Variants in NDUFA9 observed in about 807,000 individuals in gnomAD.
The protein encoded by NDUFA9 is NADH:ubiquinone oxidoreductase subunit A9.
NDUFA9 carries 23 observed loss-of-function variants against 45.9 expected under a neutral mutation model. The observed-to-expected ratio is 0.50, with a 90% confidence interval of 0.36 to 0.71. The LOEUF is 0.71. Ranked by LOEUF, NDUFA9 falls within the 30% of genes least tolerant of loss-of-function variation. NDUFA9 has a pLI of 0.00. For missense variants in NDUFA9, 466 were observed against 488.2 expected (o/e 0.95, Z 0.43); for synonymous variants, 176 against 170.5 (o/e 1.03, Z -0.25).
In NDUFA9 at chr12:4,657,632, T is replaced by C. The variant is rs6489557; in HGVS notation, c.319-116T>C. ...AAATGGAGCTTGGATGAAATGGCAC[T>C]ATATTATGACTACAGCAGATGGCCC... is the stretch of plus-strand genomic sequence containing the variant. On this transcript the variant is annotated intron_variant, in intron 3 of 10. Transcript: ENST00000266544. The C allele has an allele frequency of 0.99, 700,445 of 710,450 alleles. 345,872 individuals are homozygous for C. The highest frequency in any genetic ancestry group is 1 in the East Asian group (39,121 of 39,124). The allele number at this position is 710,450 out of a possible 1,614,324, so 44.0% of individuals were successfully genotyped here. A position where few individuals can be genotyped will look rare whatever the true frequency, so the allele number is the denominator to read the frequency against.
chr12:4,660,668 G>T (rs1002224684), intron 5 of NDUFA9, among the ~76,000 whole-genome samples: 1 of 152,122 alleles, frequency 6.6e-6, no homozygotes, highest in Non-Finnish European at 1.5e-5. Flanking sequence ...ATGATAAGGC[G>T]GAAGGGAAAC....
rs1027339476 is a variant in NDUFA9, at chr12:4,685,411, C to T, written c.963+86C>T. 7.9e-6 allele frequency: 10 copies of T among 1,272,132 alleles called. No homozygotes were observed. In the Admixed American group the frequency reaches 9.5e-5, roughly 12 times the overall value. 78.8% of individuals were successfully genotyped at this position (1,272,132 alleles called of 1,614,324 possible). A position where few individuals can be genotyped will look rare whatever the true frequency, so the allele number is the denominator to read the frequency against. On this transcript the variant is annotated intron_variant, in intron 10 of 10. Coordinates refer to ENST00000266544, the MANE Select transcript of NDUFA9 (RefSeq NM_005002.5). ...CTTTGCCTGCTTGCTTGTTTCCCGG[C>T]CCTTGTCTGTTTGCTGTTCTTGCTG...
rs761201299 is a variant in NDUFA9 at position 4,668,461 on chromosome 12, G to A, written c.660G>A (p.Met220Ile). The A allele has an allele frequency of 1.2e-5, 19 of 1,612,794 alleles. No homozygotes were observed. In the Admixed American group the frequency reaches 3.2e-4, roughly 27 times the overall value. ...TCTCATTCTTTCTTCCGCTAGGTAT[G>A]CATCGGTTTGGTCCTATACCCCTTG... ...EDRFLNSFASMHRFGPIPLGS... is the reference protein window; with the variant it reads ...EDRFLNSFASIHRFGPIPLGS... The change falls in exon 7 of 11, where the codon ATG becomes ATA. Residue 220 changes from methionine (M) to isoleucine (I), a missense_variant. Coordinates refer to ENST00000266544, the MANE Select transcript of NDUFA9 (RefSeq NM_005002.5).
At chr12:4,649,310 C>T (rs576278048) in intron 1 of NDUFA9, 135 bp downstream of exon 1, 332 of 1,028,302 alleles carry the variant, frequency 3.2e-4, no homozygotes, top group Non-Finnish European at 4.6e-4. Context: ...TTGGAGCTGC[C>T]TCAGTCTGGT....
At position 4,668,926 on chromosome 12, in the gene NDUFA9, G is replaced by C. The variant is rs545115851; in HGVS notation, c.723+402G>C. ...TCAGAAGGGCACCTAATCTAGACTT[G>C]GGCATTTCAAAAGGAAGGGCATTTA... On this transcript the variant is annotated intron_variant, in intron 7 of 10. Coordinates refer to ENST00000266544, the MANE Select transcript of NDUFA9 (RefSeq NM_005002.5). Among the ~76,000 whole-genome samples the C allele has an allele frequency of 3.3e-5, 5 of 152,274 alleles. No individual in the cohort carries two copies. In the South Asian group the frequency reaches 8.3e-4, roughly 25 times the overall value.
rs1945744939 is a variant in NDUFA9 at position 4,649,746 on chromosome 12, T to C, written c.49+571T>C. Among the ~76,000 whole-genome samples the C allele has an allele frequency of 3.3e-5, 5 of 152,198 alleles. No homozygotes were observed. In the South Asian group the frequency reaches 8.3e-4, roughly 25 times the overall value. On this transcript the variant is annotated intron_variant, in intron 1 of 10. Transcript: ENST00000266544. ...ATGTGTTCGGCAAAGTGCGTTGGGGTCTGGGGGAGAGAGTGATGTTTGAGG... is the reference window on the plus strand; with the variant it reads ...ATGTGTTCGGCAAAGTGCGTTGGGGCCTGGGGGAGAGAGTGATGTTTGAGG...
chr12:4,679,088 TA>T (rs1447152798), intron 8 of NDUFA9, among the ~76,000 whole-genome samples: 1 of 152,092 alleles, frequency 6.6e-6, no homozygotes, highest in African/African-American at 2.4e-5. Context: ...AGTTCAACAA[TA>T]AAAGGAATGA....
At chr12:4,680,881 A>G (rs754532189) in intron 8 of NDUFA9, among the ~76,000 whole-genome samples, 9 of 152,258 alleles carry the variant, frequency 5.9e-5, no homozygotes, top group Non-Finnish European at 1.2e-4. Context: ...CATTATAAGC[A>G]CTGATACTTA....
chr12:4,683,227 A>G (rs913296177), intron 9 of NDUFA9, among the ~76,000 whole-genome samples: 6 of 152,064 alleles, frequency 3.9e-5, no homozygotes, highest in African/African-American at 1.2e-4. Context: ...CCCTGAGGTA[A>G]CTGTTGATGG....
At chr12:4,678,236 A>G (rs1427388990) in intron 8 of NDUFA9, among the ~76,000 whole-genome samples, 2 of 152,280 alleles carry the variant, frequency 1.3e-5, no homozygotes, top group African/African-American at 4.8e-5. Context: ...TACCTATGTA[A>G]CAAACCTGTA....
chr12:4,672,717 G>T (rs976279457), intron 8 of NDUFA9, among the ~76,000 whole-genome samples: 1 of 152,204 alleles, frequency 6.6e-6, no homozygotes, highest in Non-Finnish European at 1.5e-5. Flanking sequence ...TGAAAAAAAG[G>T]CAGTAGCCCA....
chr12:4,668,772 A>G (rs948311717), intron 7 of NDUFA9: 1 of 474,356 alleles, frequency 2.1e-6, no homozygotes, highest in Non-Finnish European at 3.8e-6. Context: ...CACTAGGGAA[A>G]TAAAGATATT....
chr12:4,649,332 C>T (rs991050560), intron 1 of NDUFA9, among the ~76,000 whole-genome samples, 157 bp downstream of exon 1: 11 of 152,232 alleles, frequency 7.2e-5, no homozygotes, highest in African/African-American at 2.4e-4. Context: ...TCTCCTTTCG[C>T]TTTCCGCTTC....
At chr12:4,661,727 T>C (rs1591544387) in intron 5 of NDUFA9, among the ~76,000 whole-genome samples, 1 of 151,056 alleles carries the variant, frequency 6.6e-6, no homozygotes, top group African/African-American at 2.4e-5. Context: ...CTTGAGAAGG[T>C]TGAGAAACAG....
chr12:4,658,967 TTATCACG>T (rs1339501889), intron 4 of NDUFA9, 62 bp from the exon 5 acceptor site: 2 of 1,440,422 alleles, frequency 1.4e-6, no homozygotes, highest in African/African-American at 2.9e-5. Context: ...GAAAACCATC[TTATCACG>T]TAAAGCTTTG....
intron 1 of NDUFA9, among the ~76,000 whole-genome samples, chr12:4,649,415 G>A (rs1257876284): frequency 6.6e-6 from 1 of 152,208 alleles, no homozygotes; most frequent in Admixed American, 6.5e-5. Flanking sequence ...AAGCGAAGAG[G>A]AGAATGCGGG....
intron 6 of NDUFA9, among the ~76,000 whole-genome samples, chr12:4,664,924 TA>T (rs950473208): frequency 6.6e-6 from 1 of 152,244 alleles, no homozygotes. Context: ...GTCTTCCTTT[TA>T]GAATAGGAAT....
intron 4 of NDUFA9, among the ~76,000 whole-genome samples, chr12:4,658,673 C>A (rs1449772769): frequency 6.6e-6 from 1 of 152,046 alleles, no homozygotes; most frequent in Non-Finnish European, 1.5e-5. Flanking sequence ...TTAAAGTAGT[C>A]CTTAAATTGT....
intron 5 of NDUFA9, among the ~76,000 whole-genome samples, chr12:4,660,980 G>A (rs1026865188): frequency 4.7e-5 from 7 of 149,634 alleles, no homozygotes; most frequent in Non-Finnish European, 8.9e-5. Context: ...ATAGAAGCTG[G>A]AGGGGGATGT....
Sources: allele counts gnomAD v4.1 joint callset (sites outside exome capture counted in the v4.1 genomes callset), GRCh38; gene constraint gnomAD v4.1.1; transcripts MANE v1.5; gene names NCBI Gene and HGNC (gene_info 2026-07-23, HGNC 2026-07-21).